EPGN: variants seen among roughly 807,000 people sequenced by gnomAD.
EPGN encodes epithelial mitogen.
Under a neutral mutation model 20.7 loss-of-function variants are expected in EPGN, and 21 were observed. That is an observed-to-expected ratio of 1.01 (90% CI 0.72 to 1.46). The LOEUF (loss-of-function observed/expected upper bound fraction) is 1.46. Among genes scored for constraint, EPGN ranks in the 40% most tolerant of loss-of-function variants. EPGN has a pLI of 0.00. For synonymous variants in EPGN, 69 were observed against 63.8 expected, an observed-to-expected ratio of 1.08 and a Z score of -0.39; for missense variants, 199 against 180.7, an observed-to-expected ratio of 1.10 and a Z score of -0.58.
intron 2 of EPGN, among the ~76,000 whole-genome samples, chr4:74,310,068 C>T (rs1750801580): frequency 6.6e-6 from 1 of 152,060 alleles, no homozygotes; most frequent in Non-Finnish European, 1.5e-5. Context: ...ATTTGCAAAA[C>T]GAAATCAATG....
At position 74,314,530 on chromosome 4, in the gene EPGN, C is replaced by T. The variant is rs749319049; in HGVS notation, c.408-50C>T. On this transcript the variant is annotated intron_variant, in intron 4 of 4. Coordinates refer to ENST00000413830, the MANE Select transcript of EPGN (RefSeq NM_001270989.2). ...GGTGCATTTATGTAAGCTTCAATGA[C>T]CTATATGAACCACAGTCAAATTCAT... is the stretch of plus-strand genomic sequence containing the variant. 3.3e-6 allele frequency: 5 copies of T among 1,509,726 alleles called. No homozygotes were observed. The South Asian group carries it at 4.8e-5, about 14-fold the overall frequency. The allele number at this position is 1,509,726 out of a possible 1,614,324, so 93.5% of individuals were successfully genotyped here.
chr4:74,313,179 A>G lies in EPGN; in HGVS notation c.407+9A>G. On this transcript the variant is annotated intron_variant, in intron 4 of 4. Transcript: ENST00000413830. Reference sequence around the variant, plus strand: ...TGCTATATAAGAAAGAGGTATGAAAAAGACAAAATATGAAGTCACTTCATA... The same window carrying G: ...TGCTATATAAGAAAGAGGTATGAAAGAGACAAAATATGAAGTCACTTCATA... The G allele has an allele frequency of 6.2e-7, 1 of 1,607,708 alleles. No homozygotes were observed. The highest frequency in any genetic ancestry group is 8.5e-7 in the Non-Finnish European group (1 of 1,178,648).
intron 3 of EPGN, 127 bp from the exon 4 acceptor site, chr4:74,312,891 C>A (rs1039760640): frequency 2.6e-6 from 2 of 773,438 alleles, no homozygotes; most frequent in African/African-American, 1.8e-5. Context: ...GATTGGCTTT[C>A]ATTTGGTATT....
chr4:74,312,223 C>G lies in EPGN; in HGVS notation c.172C>G (p.His58Asp). The G allele has an allele frequency of 1.9e-6, 3 of 1,613,174 alleles. No homozygotes were observed. The highest frequency in any genetic ancestry group is 2.5e-6 in the Non-Finnish European group (3 of 1,179,490). ...IEGPIALKFS[H>D]LCLEDHNSYC... is the part of the protein sequence containing the mutation. ...AGGACCCATAGCCTTGAAGTTCTCA[C>G]ACCTTTGCCTGGAAGATCATAACAG... Residue 58 changes from histidine to aspartate, a missense_variant, in exon 3 of 5, where the codon CAC becomes GAC. Transcript: ENST00000413830.
At chr4:74,313,757 T>C (rs752807358) in intron 4 of EPGN, among the ~76,000 whole-genome samples, 14 of 152,196 alleles carry the variant, frequency 9.2e-5, no homozygotes. Flanking sequence ...TAATTTTTCC[T>C]TAAATCCATG....
At chr4:74,310,271 G>T (rs887705630) in intron 2 of EPGN, among the ~76,000 whole-genome samples, 20 of 151,882 alleles carry the variant, frequency 1.3e-4, no homozygotes, top group African/African-American at 4.6e-4. Flanking sequence ...AGACCAGCCT[G>T]GGCAACATGG....
rs1751258352 is a variant in EPGN, at chr4:74,316,079, T to A, written c.*1442T>A. Among the ~76,000 whole-genome samples, 2 of 152,138 alleles carry A rather than the reference T, an allele frequency of 1.3e-5. No homozygotes were observed. Among genetic ancestry groups the A allele is most frequent in the Non-Finnish European group, 2.9e-5 (2 of 68,026 alleles). The stretch of plus-strand genomic sequence containing the variant: ...TCATCTTCTACAAGGCCCTCTTAGC[T>A]CTAAAACTTGACAGTGGAATAAGGA... On this transcript the variant is annotated 3_prime_UTR_variant, in exon 5 of 5. Coordinates refer to ENST00000413830, the MANE Select transcript of EPGN (RefSeq NM_001270989.2).
intron 3 of EPGN, 21 bp from the exon 4 acceptor site, chr4:74,312,997 A>C (rs1176014309): frequency 2.0e-5 from 32 of 1,566,278 alleles, no homozygotes; most frequent in Non-Finnish European, 2.6e-5. Context: ...TTAAAATTAA[A>C]CTTTTTTTCT....
intron 4 of EPGN, chr4:74,314,035 G>A: frequency 2.2e-6 from 1 of 451,256 alleles, no homozygotes; most frequent in South Asian, 1.6e-5. Flanking sequence ...TTACTAAGGT[G>A]GCTCTCTGAG....
chr4:74,310,013 T>C (rs1750798238), intron 2 of EPGN, among the ~76,000 whole-genome samples: 1 of 152,216 alleles, frequency 6.6e-6, no homozygotes, highest in Non-Finnish European at 1.5e-5. Context: ...TTTTAAATGA[T>C]TGTCTCGAAA....
At chr4:74,314,356 C>G (rs1333693613) in intron 4 of EPGN, 2 of 589,384 alleles carry the variant, frequency 3.4e-6, no homozygotes, top group African/African-American at 3.7e-5. Context: ...AATCTCCCAG[C>G]AATCTCCTGG....
chr4:74,311,085 A>C (rs990889707), intron 2 of EPGN, among the ~76,000 whole-genome samples: 2 of 152,148 alleles, frequency 1.3e-5, no homozygotes, highest in African/African-American at 4.8e-5. Flanking sequence ...CTAGTATCTT[A>C]GAAAAATTTT....
In EPGN at chr4:74,314,836, T is replaced by G. The variant is rs1286924993; in HGVS notation, c.*199T>G. On this transcript the variant is annotated 3_prime_UTR_variant, in exon 5 of 5. Coordinates refer to ENST00000413830, the MANE Select transcript of EPGN (RefSeq NM_001270989.2). ...TCCTTAAGGAGTGATGGAAGCCAAG[T>G]GAACAAGCCTCAGTGACACAAGTCA... 1.6e-5 allele frequency: 9 copies of G among 577,290 alleles called. No individual in the cohort carries two copies. Among genetic ancestry groups the G allele is most frequent in the Non-Finnish European group, 2.7e-5 (9 of 328,544 alleles). 35.8% of individuals were successfully genotyped at this position (577,290 alleles called of 1,614,324 possible). A position where few individuals can be genotyped will look rare whatever the true frequency, so the allele number is the denominator to read the frequency against.
intron 4 of EPGN, chr4:74,314,088 T>C (rs539814274): frequency 4.4e-6 from 2 of 456,126 alleles, no homozygotes; most frequent in East Asian, 6.9e-5. Flanking sequence ...GAGATTGCTG[T>C]GCATGTGATT....
At chr4:74,313,433 A>G (rs1751098068) in intron 4 of EPGN, 3 of 1,298,312 alleles carry the variant, frequency 2.3e-6, no homozygotes, top group Non-Finnish European at 2.9e-6. Flanking sequence ...CCATATCAAA[A>G]TTATAAATGA....
Position 74,312,181 on chromosome 4 carries a change from CTAGCTGACAACA to C in EPGN, c.134_145del (p.Ala45_Ile48del). On this transcript the variant is annotated splice_acceptor_variant and splice_polypyrimidine_tract_variant and coding_sequence_variant and intron_variant, in exon 3 of 5. Transcript: ENST00000413830. LOFTEE classifies it high-confidence loss of function. ...TTTGCTAACATTGTATCTCCTTTTCCTAGCTGACAACATAGAAGGACCCATAGCCTTGAAGTT... is the reference window on the plus strand; with the variant it reads ...TTTGCTAACATTGTATCTCCTTTTCCTAGAAGGACCCATAGCCTTGAAGTT... 6.3e-7 allele frequency: 1 copy of C among 1,593,518 alleles called. No individual in the cohort carries two copies. The highest frequency in any genetic ancestry group is 8.5e-7 in the Non-Finnish European group (1 of 1,173,078).
At chr4:74,310,178 C>G (rs910841210) in intron 2 of EPGN, among the ~76,000 whole-genome samples, 1 of 152,032 alleles carries the variant, frequency 6.6e-6, no homozygotes, top group Non-Finnish European at 1.5e-5. Context: ...CTATATTATA[C>G]TGGCCTGGCA....
chr4:74,308,544 G>T lies in EPGN; in HGVS notation c.11G>T (p.Gly4Val). 1.2e-6 allele frequency: 2 copies of T among 1,610,396 alleles called. No homozygotes were observed. Among genetic ancestry groups the T allele is most frequent in the East Asian group, 2.2e-5 (1 of 44,826 alleles). Residue 4 changes from glycine (G) to valine (V), a missense_variant, in exon 1 of 5, where the codon GGA (glycine) becomes GTA (valine). Transcript: ENST00000413830. MAL[G>V]VPISVYLLFN... is the part of the protein sequence containing the mutation. ...AAGCAACTACAGGAAATGGCTTTGG[G>T]AGTTCCAATATCAGTCTATCTTTTA...
In EPGN at chr4:74,314,778, A is replaced by G; in HGVS notation, c.*141A>G. On this transcript the variant is annotated 3_prime_UTR_variant, in exon 5 of 5. Transcript: ENST00000413830. ...GTTGGGATCACAATGAAATGAGAAG[A>G]TAAAATTCAGCGTTGGCCTTTAGAC... The G allele has an allele frequency of 1.2e-6, 1 of 820,216 alleles. No homozygotes were observed. The highest frequency in any genetic ancestry group is 2.7e-5 in the East Asian group (1 of 37,322). The allele number at this position is 820,216 out of a possible 1,614,324, so 50.8% of individuals were successfully genotyped here.
Sources: allele counts gnomAD v4.1 joint callset (sites outside exome capture counted in the v4.1 genomes callset), GRCh38; gene constraint gnomAD v4.1.1; transcripts MANE v1.5; gene names NCBI Gene and HGNC (gene_info 2026-07-23, HGNC 2026-07-21).